CNTNAP5: variants seen among roughly 807,000 people sequenced by gnomAD.
CNTNAP5 encodes the protein contactin-associated protein-like 5.
A neutral mutation model predicts 150.2 loss-of-function variants in CNTNAP5; 72 were observed. The ratio of observed to expected loss-of-function variants is 0.48; its 90% confidence interval spans 0.40 to 0.58. The LOEUF (loss-of-function observed/expected upper bound fraction) is 0.58. Among genes scored for constraint, CNTNAP5 ranks in the 20% least tolerant of loss-of-function variants. The probability of loss-of-function intolerance (pLI) is 0.00; values close to 1 mark genes in which losing one functional copy is unlikely to be tolerated. For synonymous variants in CNTNAP5, 672 were observed against 619.8 expected (o/e 1.08, Z -1.25); for missense variants, 1,636 against 1,626.2 (o/e 1.01, Z -0.10).
chr2:124,773,582 T>A (rs1043822421), intron 17 of CNTNAP5, among the ~76,000 whole-genome samples: 16 of 152,196 alleles, frequency 1.1e-4, no homozygotes, highest in Admixed American at 2.0e-4. Context: ...TCATCTGAAC[T>A]GGCAACTGCT....
At chr2:124,314,950 T>A (rs974755678) in intron 3 of CNTNAP5, among the ~76,000 whole-genome samples, 1 of 151,942 alleles carries the variant, frequency 6.6e-6, no homozygotes, top group Non-Finnish European at 1.5e-5. Context: ...ATATAGTATA[T>A]GCATAAGTAT....
intron 1 of CNTNAP5, among the ~76,000 whole-genome samples, chr2:124,057,842 C>T (rs1346214336): frequency 6.6e-6 from 1 of 151,894 alleles, no homozygotes; most frequent in Admixed American, 6.6e-5. Flanking sequence ...GTTTGTAATA[C>T]AAAGGAGAAA....
At chr2:124,274,003 A>G (rs1687822328) in intron 3 of CNTNAP5, among the ~76,000 whole-genome samples, 1 of 152,190 alleles carries the variant, frequency 6.6e-6, no homozygotes, top group Non-Finnish European at 1.5e-5. Flanking sequence ...ATTCAGCATT[A>G]AATGTTCAAA....
At chr2:124,773,876 T>A (rs1286831111) in intron 17 of CNTNAP5, among the ~76,000 whole-genome samples, 2 of 150,660 alleles carry the variant, frequency 1.3e-5, no homozygotes, top group Admixed American at 1.3e-4. Context: ...TCCCTTGACA[T>A]AATTCTTACA....
At chr2:124,648,064 T>G in intron 13 of CNTNAP5, 106 bp downstream of exon 13, 2 of 977,234 alleles carry the variant, frequency 2.0e-6, no homozygotes, top group Non-Finnish European at 3.0e-6. Flanking sequence ...TTACAGTTAG[T>G]CACTGTGCAC....
chr2:124,809,141 T>C (rs1490386972), intron 19 of CNTNAP5, among the ~76,000 whole-genome samples: 1 of 152,154 alleles, frequency 6.6e-6, no homozygotes, highest in African/African-American at 2.4e-5. Context: ...TCTACTGGCC[T>C]GCGTAGCTCC....
intron 13 of CNTNAP5, among the ~76,000 whole-genome samples, chr2:124,684,525 C>A (rs952542272): frequency 2.6e-5 from 4 of 152,176 alleles, no homozygotes; most frequent in African/African-American, 9.7e-5. Context: ...CTGGAAACAG[C>A]TGCCTTGATA....
At chr2:124,304,640 GA>G (rs1281687938) in intron 3 of CNTNAP5, among the ~76,000 whole-genome samples, 2 of 152,092 alleles carry the variant, frequency 1.3e-5, no homozygotes, top group Non-Finnish European at 2.9e-5. Flanking sequence ...GAGTCAATTG[GA>G]AAGAGACAAG....
chr2:124,883,319 C>A (rs1678007848), intron 21 of CNTNAP5, among the ~76,000 whole-genome samples: 2 of 151,956 alleles, frequency 1.3e-5, no homozygotes, highest in Non-Finnish European at 2.9e-5. Flanking sequence ...GTCTCAGTCT[C>A]CCAAAATGCT....
intron 3 of CNTNAP5, among the ~76,000 whole-genome samples, chr2:124,348,365 A>G (rs1689792282): frequency 6.6e-6 from 1 of 152,186 alleles, no homozygotes; most frequent in Non-Finnish European, 1.5e-5. Context: ...AATGTTGAAT[A>G]AAAGTGACAA....
chr2:124,502,789 A>G (rs1694307247), intron 7 of CNTNAP5, among the ~76,000 whole-genome samples: 1 of 152,112 alleles, frequency 6.6e-6, no homozygotes, highest in Non-Finnish European at 1.5e-5. Flanking sequence ...ATTTTTTTTT[A>G]AATGGTAGCA....
chr2:124,230,872 G>T (rs1446076737), intron 2 of CNTNAP5, among the ~76,000 whole-genome samples: 2 of 152,116 alleles, frequency 1.3e-5, no homozygotes, highest in African/African-American at 4.8e-5. Flanking sequence ...ACAGAAATGG[G>T]TCAGTGGATT....
chr2:124,440,656 T>C (rs2104800317), intron 5 of CNTNAP5, among the ~76,000 whole-genome samples: 1 of 152,272 alleles, frequency 6.6e-6, no homozygotes, highest in South Asian at 2.1e-4. Flanking sequence ...AAGCTTCCTA[T>C]AAAAATTGTT....
chr2:124,126,204 T>C (rs529160068), intron 1 of CNTNAP5, among the ~76,000 whole-genome samples: 14 of 151,912 alleles, frequency 9.2e-5, no homozygotes, highest in African/African-American at 3.1e-4. Flanking sequence ...AAGAATCAAA[T>C]AGACGCAATA....
intron 1 of CNTNAP5, among the ~76,000 whole-genome samples, chr2:124,031,815 A>G (rs1402202629): frequency 6.6e-6 from 1 of 152,164 alleles, no homozygotes; most frequent in African/African-American, 2.4e-5. Flanking sequence ...GTTATACTCA[A>G]TGGGGCTTTA....
At chr2:124,296,330 G>A (rs1688431168) in intron 3 of CNTNAP5, among the ~76,000 whole-genome samples, 1 of 152,198 alleles carries the variant, frequency 6.6e-6, no homozygotes, top group East Asian at 1.9e-4. Context: ...AAGTTGCAAA[G>A]GCAAGTGAAA....
At chr2:124,893,106 T>C (rs1259190282) in intron 21 of CNTNAP5, among the ~76,000 whole-genome samples, 1 of 152,060 alleles carries the variant, frequency 6.6e-6, no homozygotes, top group Non-Finnish European at 1.5e-5. Context: ...CTGGGAGCAT[T>C]AACAATTACA....
rs192115188 is a variant in CNTNAP5 at position 124,460,915 on chromosome 2, C to T, written c.919-13824C>T. On this transcript the variant is annotated intron_variant, in intron 6 of 23. Transcript: ENST00000682447. ...CAGGGTTAAAAGTGAAGGCCTCCATCGAGGAAAATAAACTGAAAAAAATAA... is the reference window on the plus strand; with the variant it reads ...CAGGGTTAAAAGTGAAGGCCTCCATTGAGGAAAATAAACTGAAAAAAATAA... Among the ~76,000 whole-genome samples, 20 of 151,826 alleles carry T rather than the reference C, an allele frequency of 1.3e-4. No homozygotes were observed. In the East Asian group the frequency reaches 1.7e-3, roughly 13 times the overall value.
At chr2:124,354,682 C>T (rs1234634712) in intron 3 of CNTNAP5, among the ~76,000 whole-genome samples, 1 of 152,110 alleles carries the variant, frequency 6.6e-6, no homozygotes, top group Non-Finnish European at 1.5e-5. Flanking sequence ...TTATGAAACA[C>T]GTATTTCCTG....
Sources: allele counts gnomAD v4.1 joint callset (sites outside exome capture counted in the v4.1 genomes callset), GRCh38; gene constraint gnomAD v4.1.1; transcripts MANE v1.5; gene names NCBI Gene and HGNC (gene_info 2026-07-23, HGNC 2026-07-21).